Variants in LRP1B observed in about 807,000 individuals in gnomAD.
LRP1B encodes low-density lipoprotein receptor-related protein 1B.
A neutral mutation model predicts 556.6 loss-of-function variants in LRP1B; 217 were observed. That is an observed-to-expected ratio of 0.39 (90% CI 0.35 to 0.44). The LOEUF (loss-of-function observed/expected upper bound fraction) is 0.44. LRP1B is among the 20% of genes least tolerant of loss of function. The pLI is 1.00. For missense variants in LRP1B, 5,053 were observed against 5,620.8 expected (o/e 0.90, Z 3.23); for synonymous variants, 2,047 against 1,865.8 (o/e 1.10, Z -2.50).
At chr2:141,025,961 G>A (rs547061313) in intron 11 of LRP1B, among the ~76,000 whole-genome samples, 1 of 152,044 alleles carries the variant, frequency 6.6e-6, no homozygotes. Flanking sequence ...GGGGCATATA[G>A]ATCATTGTAC....
At chr2:141,670,271 C>G (rs567908420) in intron 2 of LRP1B, among the ~76,000 whole-genome samples, 47 of 152,218 alleles carry the variant, frequency 3.1e-4, no homozygotes, top group African/African-American at 1.1e-3. Flanking sequence ...ATAGCACAAT[C>G]CCTGGAACCA....
At chr2:140,250,612 T>C (rs60782463) in intron 86 of LRP1B, among the ~76,000 whole-genome samples, 107 of 151,834 alleles carry the variant, frequency 7.0e-4, no homozygotes, top group African/African-American at 2.4e-3. Context: ...TAAGTGCTCT[T>C]AATTACAGCA....
chr2:140,623,961 T>A (rs1403925236), intron 41 of LRP1B, among the ~76,000 whole-genome samples: 1 of 142,508 alleles, frequency 7.0e-6, no homozygotes, highest in East Asian at 2.1e-4. Flanking sequence ...TTTATGTATA[T>A]ATATATATAT....
At position 141,207,215 on chromosome 2, in the gene LRP1B, G is replaced by T. The variant is rs192904997; in HGVS notation, c.851-18632C>A. 8.5e-5 allele frequency among the ~76,000 whole-genome samples: 13 copies of T among 152,204 alleles called. No individual in the cohort carries two copies. The East Asian group carries it at 2.3e-3, about 27-fold the overall frequency. On this transcript the variant is annotated intron_variant, in intron 6 of 90. Coordinates refer to ENST00000389484, the MANE Select transcript of LRP1B (RefSeq NM_018557.3). ...ACCACTTCCTGATTTAAGTGGTGAGGTTTCTGTTCCTTGTACACAACCTAG... is the reference window on the plus strand; with the variant it reads ...ACCACTTCCTGATTTAAGTGGTGAGTTTTCTGTTCCTTGTACACAACCTAG...
At chr2:140,374,171 C>T (rs1968910) in intron 68 of LRP1B, among the ~76,000 whole-genome samples, 14,547 of 152,110 alleles carry the variant, frequency 0.096, 1,242 homozygotes, top group African/African-American at 0.23. Flanking sequence ...AATCACCTTC[C>T]CTGGGTCTGA....
At chr2:141,764,899 T>C (rs1694684470) in intron 2 of LRP1B, among the ~76,000 whole-genome samples, 1 of 151,956 alleles carries the variant, frequency 6.6e-6, no homozygotes, top group African/African-American at 2.4e-5. Context: ...CTATTTTTTC[T>C]GTTTTCCCAT....
intron 29 of LRP1B, 37 bp from the exon 30 acceptor site, chr2:140,841,129 A>C (rs1167494581): frequency 2.8e-6 from 4 of 1,429,090 alleles, no homozygotes; most frequent in Non-Finnish European, 2.9e-6. Flanking sequence ...AAGGTGAATG[A>C]AGTTTTTCAT....
chr2:140,418,807 G>C (rs1229037908), intron 66 of LRP1B, among the ~76,000 whole-genome samples: 1 of 151,988 alleles, frequency 6.6e-6, no homozygotes, highest in African/African-American at 2.4e-5. Context: ...ATGTAATGTG[G>C]CTTGAATCAT....
rs373640385 is a variant in LRP1B at position 141,021,798 on chromosome 2, G to A, written c.1790-1696C>T. Among the ~76,000 whole-genome samples the A allele has an allele frequency of 4.0e-4, 61 of 151,984 alleles. 1 individual carries two copies. The highest frequency in any genetic ancestry group is 1.4e-3 in the African/African-American group (59 of 41,490). ...CACTTGGGTAAGCAAATTCAGTGAC[G>A]CATCAGGAAAGTGAAGATTATCATA... On this transcript the variant is annotated intron_variant, in intron 11 of 90. Transcript: ENST00000389484.
At chr2:140,591,323 G>A (rs479298) in intron 43 of LRP1B, among the ~76,000 whole-genome samples, 53,856 of 151,962 alleles carry the variant, frequency 0.35, 9,734 homozygotes, top group African/African-American at 0.37. Context: ...CTATTCAATT[G>A]GCTGATCTGT....
In LRP1B at chr2:140,232,274, A is replaced by G. The variant is rs1047874; in HGVS notation, c.*912T>C. ...CTGTCACCAATTTGTGTGCTTATAT[A>G]TTATTCTTTAGTGTTCAGTGTAGTG... On this transcript the variant is annotated 3_prime_UTR_variant, in exon 91 of 91. Transcript: ENST00000389484. 0.58 allele frequency: 86,942 copies of G among 151,034 alleles called. 25,571 individuals are homozygous for G. The highest frequency in any genetic ancestry group is 0.64 in the Non-Finnish European group (43,240 of 67,448). The allele number at this position is 151,034 out of a possible 1,614,324, so 9.4% of individuals were successfully genotyped here.
intron 86 of LRP1B, among the ~76,000 whole-genome samples, chr2:140,252,701 T>C (rs1230802666): frequency 6.6e-6 from 1 of 152,070 alleles, no homozygotes; most frequent in Non-Finnish European, 1.5e-5. Flanking sequence ...TGTAAAAGTG[T>C]AAGAATTATC....
intron 41 of LRP1B, among the ~76,000 whole-genome samples, chr2:140,635,271 T>C (rs1684031657): frequency 6.6e-6 from 1 of 152,054 alleles, no homozygotes; most frequent in Admixed American, 6.5e-5. Flanking sequence ...GTGAAGCTTT[T>C]AGCAGAATGC....
chr2:140,237,010 T>A (rs1680739272), intron 89 of LRP1B, among the ~76,000 whole-genome samples: 1 of 151,018 alleles, frequency 6.6e-6, no homozygotes, highest in South Asian at 2.1e-4. Context: ...ACATAGTTAT[T>A]TTTTTGTGGC....
chr2:140,572,465 G>A (rs1038855411), intron 43 of LRP1B, among the ~76,000 whole-genome samples: 4 of 151,770 alleles, frequency 2.6e-5, no homozygotes, highest in Admixed American at 1.3e-4. Flanking sequence ...ACCCCAGTTA[G>A]GAAGGCTATT....
intron 31 of LRP1B, among the ~76,000 whole-genome samples, chr2:140,829,800 T>C (rs1310896629): frequency 1.3e-5 from 2 of 151,022 alleles, no homozygotes; most frequent in Non-Finnish European, 3.0e-5. Flanking sequence ...CAATTGAGAA[T>C]AAAAAATAAT....
At chr2:140,553,422 A>AAT (rs1680617614) in intron 43 of LRP1B, among the ~76,000 whole-genome samples, 1 of 148,202 alleles carries the variant, frequency 6.7e-6, no homozygotes, top group African/African-American at 2.5e-5. Flanking sequence ...TTGTGCTCTT[A>AAT]ACACACACAC....
intron 43 of LRP1B, among the ~76,000 whole-genome samples, chr2:140,593,648 C>T (rs1007593715): frequency 6.6e-6 from 1 of 151,910 alleles, no homozygotes; most frequent in Non-Finnish European, 1.5e-5. Flanking sequence ...TTATTTTTAT[C>T]AATGCAAGTC....
chr2:140,530,303 C>T (rs997462523), intron 47 of LRP1B, among the ~76,000 whole-genome samples: 8 of 151,952 alleles, frequency 5.3e-5, no homozygotes, highest in Admixed American at 3.9e-4. Flanking sequence ...ATTGCACTGA[C>T]AATAGAAAGA....
Sources: allele counts gnomAD v4.1 joint callset (sites outside exome capture counted in the v4.1 genomes callset), GRCh38; gene constraint gnomAD v4.1.1; transcripts MANE v1.5; gene names NCBI Gene and HGNC (gene_info 2026-07-23, HGNC 2026-07-21).